Variants in DNAJB11 observed in about 807,000 individuals in gnomAD.
The protein encoded by DNAJB11 is dnaJ homolog subfamily B member 11.
In DNAJB11, 30 loss-of-function variants were observed where a neutral mutation model predicts 47.2. The observed-to-expected ratio is 0.64, with a 90% CI of 0.48 to 0.86. The LOEUF is 0.86. Ranked by LOEUF, DNAJB11 falls within the 40% of genes least tolerant of loss-of-function variation. The pLI, the probability that DNAJB11 is intolerant of heterozygous loss-of-function variation, is 0.00. For synonymous variants in DNAJB11, 151 were observed against 159.9 expected (o/e 0.94, Z 0.42); for missense variants, 357 against 440.2 (o/e 0.81, Z 1.69).
intron 4 of DNAJB11, chr3:186,579,490 A>G (rs1715409472): frequency 6.6e-6 from 1 of 152,198 alleles, no homozygotes; most frequent in African/African-American, 2.4e-5. Flanking sequence ...CTTAAGTATT[A>G]TCATGCTTGT....
chr3:186,580,032 G>A (rs1402860923), intron 4 of DNAJB11: 2 of 152,238 alleles, frequency 1.3e-5, no homozygotes, highest in Non-Finnish European at 2.9e-5. Context: ...TTGTAATACT[G>A]TTGAGGCTGC....
Position 186,585,528 on chromosome 3 carries a change from T to C in DNAJB11, c.*120T>C, listed in dbSNP as rs1715656269. 5.0e-6 allele frequency: 3 copies of C among 602,968 alleles called. No homozygotes were observed. The Admixed American group carries it at 1.0e-4, about 21-fold the overall frequency. 37.4% of individuals were successfully genotyped at this position (602,968 alleles called of 1,614,324 possible). ...ATATGCAAGTTAGGCTTAATTTTTT[T>C]ATCTAATGATCATCATGAAATGAAT... On this transcript the variant is annotated 3_prime_UTR_variant, in exon 10 of 10. Transcript: ENST00000265028.
chr3:186,585,125 A>T (rs1012723095), intron 9 of DNAJB11, among the ~76,000 whole-genome samples: 1 of 152,104 alleles, frequency 6.6e-6, no homozygotes, highest in Non-Finnish European at 1.5e-5. Flanking sequence ...TGGGACATGT[A>T]TGTGGTATGT....
chr3:186,574,444 A>C (rs1715193073), intron 2 of DNAJB11, among the ~76,000 whole-genome samples: 1 of 152,104 alleles, frequency 6.6e-6, no homozygotes, highest in African/African-American at 2.4e-5. Context: ...ACTAAAAGTG[A>C]AAATATTGGA....
In DNAJB11 at chr3:186,570,782, C is replaced by A. The variant is rs548183319; in HGVS notation, c.-116C>A. ...TAGCTGTCTCTGCGGACCAAGGAGA[C>A]CCCCGCGCCCCCCCGGTGTGAGGCG... On this transcript the variant is annotated 5_prime_UTR_variant, in exon 1 of 10. Transcript: ENST00000265028. 9.0e-4 allele frequency: 833 copies of A among 921,060 alleles called. 6 individuals carry two copies. Among genetic ancestry groups the A allele is most frequent in the Admixed American group, 8.2e-3 (335 of 40,634 alleles). 57.1% of individuals were successfully genotyped at this position (921,060 alleles called of 1,614,324 possible).
Position 186,572,087 on chromosome 3 carries a change from C to T in DNAJB11, c.69-8C>T, listed in dbSNP as rs1255889648. ...TTTAATGAAGTATTCTCTCCCTCTA[C>T]TTCCCAGACGAGATTTCTATAAGAT... On this transcript the variant is annotated splice_polypyrimidine_tract_variant and splice_region_variant and intron_variant, in intron 1 of 9. Coordinates refer to ENST00000265028, the MANE Select transcript of DNAJB11 (RefSeq NM_016306.6). 6.4e-7 allele frequency: 1 copy of T among 1,564,772 alleles called. No homozygotes were observed.
chr3:186,582,870 C>T lies in DNAJB11; in HGVS notation c.740+97C>T, dbSNP rs1035205193. 20 of 871,330 alleles carry T rather than the reference C, an allele frequency of 2.3e-5. No homozygotes were observed. The African/African-American group carries it at 2.5e-4, about 11-fold the overall frequency. 54.0% of individuals were successfully genotyped at this position (871,330 alleles called of 1,614,324 possible). The stretch of plus-strand genomic sequence containing the variant: ...TTAGACTTTTTTCTCTGTTTCTTAC[C>T]CTTATTACCCTAAACGATGATTTGT... On this transcript the variant is annotated intron_variant, in intron 7 of 9. Transcript: ENST00000265028.
chr3:186,583,848 C>T lies in DNAJB11; in HGVS notation c.741-17C>T. 6.3e-7 allele frequency: 1 copy of T among 1,582,644 alleles called. No homozygotes were observed. The highest frequency in any genetic ancestry group is 8.7e-7 in the Non-Finnish European group (1 of 1,152,412). ...TAAAGTTGGAAATTAATGATTTTTA[C>T]CTTATTCTGTTTTTAGGCACCCAAT... is the stretch of plus-strand genomic sequence containing the variant. On this transcript the variant is annotated splice_polypyrimidine_tract_variant and intron_variant, in intron 7 of 9. Coordinates refer to ENST00000265028, the MANE Select transcript of DNAJB11 (RefSeq NM_016306.6).
chr3:186,583,930 C>A lies in DNAJB11; in HGVS notation c.806C>A (p.Ser269Ter). The change falls in exon 8 of 10, where the codon TCA (serine) becomes TAA (stop). Residue 269 changes from serine (S) to a stop codon, truncating the protein, a stop_gained. Coordinates refer to ENST00000265028, the MANE Select transcript of DNAJB11 (RefSeq NM_016306.6). LOFTEE classifies it high-confidence loss of function. Reference protein sequence around the residue: ...YTNVTISLVESLVGFEMDITH... With the variant: ...YTNVTISLVE The stretch of plus-strand genomic sequence containing the variant: ...AATGTGACAATCTCATTAGTTGAGT[C>A]ACTGGTTGGCTTTGAGATGGATATT... 6.2e-7 allele frequency: 1 copy of A among 1,613,812 alleles called. No individual in the cohort carries two copies. The highest frequency in any genetic ancestry group is 8.5e-7 in the Non-Finnish European group (1 of 1,179,750).
At chr3:186,577,558 C>A in intron 3 of DNAJB11, 110 bp from the exon 4 acceptor site, 1 of 1,010,234 alleles carries the variant, frequency 9.9e-7, no homozygotes, top group Non-Finnish European at 1.4e-6. Flanking sequence ...TAGTTTTGCA[C>A]AATGCATTGA....
In DNAJB11 at chr3:186,577,745, T is replaced by C; in HGVS notation, c.401T>C (p.Ile134Thr). 6.2e-7 allele frequency: 1 copy of C among 1,609,626 alleles called. No individual in the cohort carries two copies. The highest frequency in any genetic ancestry group is 1.1e-5 in the South Asian group (1 of 90,144). The change falls in exon 4 of 10, where the codon ATT (isoleucine) becomes ACT (threonine). Residue 134 changes from isoleucine to threonine, a missense_variant. Coordinates refer to ENST00000265028, the MANE Select transcript of DNAJB11 (RefSeq NM_016306.6). ...QDRNIPRGSD[I>T]IVDLEVTLEE... ...AGAAATATTCCAAGAGGAAGTGATA[T>C]TATTGTAGATCTAGAAGTCACTTTG...
intron 2 of DNAJB11, among the ~76,000 whole-genome samples, chr3:186,574,344 A>G (rs1047141225): frequency 1.3e-5 from 2 of 152,208 alleles, no homozygotes; most frequent in African/African-American, 2.4e-5. Flanking sequence ...AAACTGACTT[A>G]AAACTAGTCT....
intron 2 of DNAJB11, among the ~76,000 whole-genome samples, chr3:186,574,412 G>C (rs59942203): frequency 0.27 from 40,351 of 151,530 alleles, 6,745 homozygotes; most frequent in African/African-American, 0.47. Flanking sequence ...ATTTATTTGT[G>C]AAGATCAGAT....
At chr3:186,581,928 T>C (rs1274665572) in intron 5 of DNAJB11, 67 bp from the exon 6 acceptor site, 1 of 1,322,454 alleles carries the variant, frequency 7.6e-7, no homozygotes, top group African/African-American at 1.5e-5. Context: ...GGTATAACTT[T>C]ATCTATATCT....
chr3:186,575,168 C>G (rs1246385000), intron 2 of DNAJB11, among the ~76,000 whole-genome samples: 5 of 151,972 alleles, frequency 3.3e-5, no homozygotes, highest in Non-Finnish European at 7.4e-5. Flanking sequence ...ACTTACTACT[C>G]TTTCTGCATT....
At chr3:186,576,722 G>A (rs1251686544) in intron 3 of DNAJB11, among the ~76,000 whole-genome samples, 1 of 152,132 alleles carries the variant, frequency 6.6e-6, no homozygotes, top group South Asian at 2.1e-4. Flanking sequence ...AGATTTTTAG[G>A]GTCTGTAAAG....
At chr3:186,582,970 A>C (rs1476628348) in intron 7 of DNAJB11, among the ~76,000 whole-genome samples, 197 bp downstream of exon 7, 1 of 152,228 alleles carries the variant, frequency 6.6e-6, no homozygotes, top group African/African-American at 2.4e-5. Context: ...CTTAGGACTT[A>C]AAAATGCAAA....
chr3:186,572,064 T>C (rs751942743), intron 1 of DNAJB11, 31 bp from the exon 2 acceptor site: 137 of 1,523,702 alleles, frequency 9.0e-5, no homozygotes, highest in Non-Finnish European at 1.1e-4. Context: ...TGTAACTCTT[T>C]AATGAAGTAT....
intron 2 of DNAJB11, among the ~76,000 whole-genome samples, chr3:186,574,090 T>C (rs1419182015): frequency 6.6e-6 from 1 of 152,272 alleles, no homozygotes; most frequent in Admixed American, 6.5e-5. Flanking sequence ...TTATGAAGAA[T>C]CTTTTGTGAA....
Sources: gnomAD v4.1 joint callset for allele counts (sites outside exome capture counted in the v4.1 genomes callset) on GRCh38, gnomAD v4.1.1 for gene constraint, MANE v1.5 for transcripts, NCBI Gene and HGNC (gene_info 2026-07-23, HGNC 2026-07-21) for gene names.